Variants in AGMO observed in about 807,000 individuals in gnomAD.
The protein encoded by AGMO is glyceryl-ether monooxygenase.
In AGMO, 75 loss-of-function variants were observed where a neutral mutation model predicts 60.2. That is an observed-to-expected ratio of 1.25 (90% CI 1.03 to 1.51). AGMO has a LOEUF of 1.51. Among genes scored for constraint, AGMO ranks in the 40% most tolerant of loss-of-function variants. The pLI, the probability that AGMO is intolerant of heterozygous loss-of-function variation, is 0.00. For synonymous variants in AGMO, 261 were observed against 177.1 expected (o/e 1.47, Z -3.76); for missense variants, 763 against 525.5 (o/e 1.45, Z -4.42).
At chr7:15,185,543 T>C in the AGMO span, among the ~76,000 whole-genome samples, 2 of 152,194 alleles carry the variant, frequency 1.3e-5, no homozygotes, top group Non-Finnish European at 2.9e-5. Flanking sequence ...AGTGGTTCTT[T>C]CATGAAAAAC....
intron 10 of AGMO, 146 bp from the exon 11 acceptor site, chr7:15,366,368 A>G (rs1369524790): frequency 2.0e-6 from 1 of 506,834 alleles, no homozygotes; most frequent in Non-Finnish European, 3.5e-6. Flanking sequence ...GACTACACAG[A>G]AAACATTTTG....
chr7:15,217,787 A>G (rs62448947), intron 12 of AGMO, among the ~76,000 whole-genome samples: 35,084 of 151,842 alleles, frequency 0.23, 4,672 homozygotes, highest in African/African-American at 0.36. Context: ...GGTGGAGAGG[A>G]AATAACAATA....
chr7:15,179,673 T>A, the AGMO span, among the ~76,000 whole-genome samples: 1 of 152,122 alleles, frequency 6.6e-6, no homozygotes, highest in Non-Finnish European at 1.5e-5. Context: ...CCTACTCTCA[T>A]GACTCCTCTA....
At chr7:15,341,027 G>A (rs1781830250) in intron 12 of AGMO, among the ~76,000 whole-genome samples, 1 of 152,152 alleles carries the variant, frequency 6.6e-6, no homozygotes, top group South Asian at 2.1e-4. Context: ...AAGACCACGG[G>A]AATCCACCTC....
At chr7:15,333,162 T>C (rs2128545255) in intron 12 of AGMO, among the ~76,000 whole-genome samples, 1 of 152,284 alleles carries the variant, frequency 6.6e-6, no homozygotes, top group East Asian at 1.9e-4. Context: ...AGCACCACTT[T>C]GTAGCTTGAA....
intron 12 of AGMO, among the ~76,000 whole-genome samples, chr7:15,261,162 G>C (rs971049204): frequency 3.3e-5 from 5 of 151,662 alleles, no homozygotes; most frequent in Admixed American, 1.3e-4. Context: ...GAAATAATCA[G>C]AGCAGAACTA....
chr7:15,354,286 T>A (rs943889076), intron 12 of AGMO, among the ~76,000 whole-genome samples: 9 of 109,872 alleles, frequency 8.2e-5, no homozygotes, highest in African/African-American at 3.6e-4. Flanking sequence ...ATATCACGAA[T>A]GAGATAAATA....
At chr7:15,462,210 C>T (rs1243610548) in intron 3 of AGMO, among the ~76,000 whole-genome samples, 3 of 152,082 alleles carry the variant, frequency 2.0e-5, no homozygotes, top group African/African-American at 7.2e-5. Flanking sequence ...TTCCCCGGTA[C>T]CCTAAAGTAT....
intron 12 of AGMO, among the ~76,000 whole-genome samples, chr7:15,313,952 T>C (rs557684715): frequency 1.3e-5 from 2 of 151,958 alleles, no homozygotes; most frequent in East Asian, 1.9e-4. Context: ...AAATGCCTAC[T>C]TGATGGATGA....
intron 10 of AGMO, among the ~76,000 whole-genome samples, chr7:15,380,144 T>C (rs1783615949): frequency 6.6e-6 from 1 of 152,090 alleles, no homozygotes; most frequent in Non-Finnish European, 1.5e-5. Flanking sequence ...TTCAACATAG[T>C]ATTTTAAGTT....
chr7:15,395,282 T>C (rs1324506034), intron 5 of AGMO, among the ~76,000 whole-genome samples: 1 of 152,172 alleles, frequency 6.6e-6, no homozygotes, highest in Non-Finnish European at 1.5e-5. Context: ...CTGACAATTA[T>C]GACATTGATA....
rs531882863 is a variant in AGMO, at chr7:15,259,715, AG to A, written c.1264-58357del. On this transcript the variant is annotated intron_variant, in intron 12 of 12. Coordinates refer to ENST00000342526, the MANE Select transcript of AGMO (RefSeq NM_001004320.2). ...TCAGATTAACCGCAGGTTTCTCAGC[AG>A]AATCCCTACAAGCTAGAAGGGATTT... Among the ~76,000 whole-genome samples the A allele has an allele frequency of 7.2e-5, 11 of 152,124 alleles. No homozygotes were observed. In the South Asian group the frequency reaches 2.3e-3, roughly 32 times the overall value.
chr7:15,133,147 G>A, the AGMO span, among the ~76,000 whole-genome samples: 4 of 152,156 alleles, frequency 2.6e-5, no homozygotes, highest in Non-Finnish European at 5.9e-5. Context: ...TTTTGAGAAG[G>A]TTTGAGGAGG....
chr7:15,358,058 A>G (rs1026721054), intron 12 of AGMO, among the ~76,000 whole-genome samples: 2 of 152,232 alleles, frequency 1.3e-5, no homozygotes, highest in African/African-American at 4.8e-5. Context: ...TATCTGATAC[A>G]TATATGTTGA....
At chr7:15,256,020 G>T (rs1390191048) in intron 12 of AGMO, among the ~76,000 whole-genome samples, 1 of 152,136 alleles carries the variant, frequency 6.6e-6, no homozygotes, top group Non-Finnish European at 1.5e-5. Context: ...TCAATGCCGT[G>T]GTATAGTGAA....
chr7:15,157,712 A>C, the AGMO span, among the ~76,000 whole-genome samples: 117,310 of 152,128 alleles, frequency 0.77, 45,360 homozygotes, highest in East Asian at 0.98. Context: ...TCCAGGTTCA[A>C]GCTTGCTGGT....
At chr7:15,355,648 T>C (rs1226728213) in intron 12 of AGMO, among the ~76,000 whole-genome samples, 1 of 152,130 alleles carries the variant, frequency 6.6e-6, no homozygotes, top group Admixed American at 6.6e-5. Flanking sequence ...AGAGGAGGAA[T>C]TGTAGCTGGA....
At chr7:15,532,119 A>G (rs1002575148) in intron 3 of AGMO, among the ~76,000 whole-genome samples, 1 of 152,216 alleles carries the variant, frequency 6.6e-6, no homozygotes, top group East Asian at 1.9e-4. Context: ...CACTTCATCT[A>G]TCCTAGTGTA....
intron 12 of AGMO, among the ~76,000 whole-genome samples, chr7:15,283,195 T>G (rs1166193403): frequency 6.6e-6 from 1 of 151,864 alleles, no homozygotes; most frequent in Non-Finnish European, 1.5e-5. Flanking sequence ...AAACAAAGTA[T>G]CTAGATAACA....
Sources: gnomAD v4.1 joint callset for allele counts (sites outside exome capture counted in the v4.1 genomes callset) on GRCh38, gnomAD v4.1.1 for gene constraint, MANE v1.5 for transcripts, NCBI Gene and HGNC (gene_info 2026-07-23, HGNC 2026-07-21) for gene names.